MARCHF1: variants seen among roughly 807,000 people sequenced by gnomAD.
MARCHF1 encodes membrane associated ring-CH-type finger 1, also known as E3 ubiquitin-protein ligase MARCHF1.
MARCHF1 carries 40 observed loss-of-function variants against 54.2 expected under a neutral mutation model. The observed-to-expected ratio is 0.74, with a 90% CI of 0.57 to 0.96. The LOEUF is 0.96. Ranked by LOEUF, MARCHF1 falls within the 40% of genes least tolerant of loss-of-function variation. The probability of loss-of-function intolerance (pLI) is 0.00; values close to 1 mark genes in which losing one functional copy is unlikely to be tolerated. For missense variants in MARCHF1, 586 were observed against 656.5 expected (o/e 0.89, Z 1.17); for synonymous variants, 236 against 236.3 (o/e 1.00, Z 0.01).
In MARCHF1 at chr4:164,044,957, T is replaced by A. The variant is rs574591969; in HGVS notation, c.-247-56248A>T. On this transcript the variant is annotated intron_variant, in intron 2 of 9. Coordinates refer to ENST00000514618, the MANE Select transcript of MARCHF1 (RefSeq NM_001394959.1). ...CTCAGTAAATGTAAGAAAGATTATA[T>A]TTCTAGTAACTCAGAAAAATAAAAC... Among the ~76,000 whole-genome samples, 173 of 152,246 alleles carry A rather than the reference T, an allele frequency of 1.1e-3. 1 individual carries two copies. In the Middle Eastern group the frequency reaches 0.014, roughly 12 times the overall value.
At position 164,032,219 on chromosome 4, in the gene MARCHF1, C is replaced by T. The variant is rs377709606; in HGVS notation, c.-247-43510G>A. Among the ~76,000 whole-genome samples, 85 of 151,900 alleles carry T rather than the reference C, an allele frequency of 5.6e-4. 1 individual carries two copies. In the South Asian group the frequency reaches 0.017, roughly 31 times the overall value. On this transcript the variant is annotated intron_variant, in intron 2 of 9. Coordinates refer to ENST00000514618, the MANE Select transcript of MARCHF1 (RefSeq NM_001394959.1). ...CTTATTGTGTCTATTTGATTCTTCG[C>T]TCTTTTCTCCTTTATTAGTCTAGCT... is the stretch of plus-strand genomic sequence containing the variant.
At chr4:164,166,829 A>C (rs909156604) in intron 1 of MARCHF1, among the ~76,000 whole-genome samples, 1 of 151,894 alleles carries the variant, frequency 6.6e-6, no homozygotes, top group African/African-American at 2.4e-5. Context: ...AAAAATCAGT[A>C]GTATTTCTAT....
At chr4:163,755,952 C>A (rs145449437) in intron 4 of MARCHF1, among the ~76,000 whole-genome samples, 183 of 152,296 alleles carry the variant, frequency 1.2e-3, no homozygotes, top group Middle Eastern at 6.8e-3. Context: ...CACAGATATA[C>A]TGGTGCCAAT....
intron 1 of MARCHF1, among the ~76,000 whole-genome samples, chr4:164,238,572 A>C (rs1732634658): frequency 6.6e-6 from 1 of 151,988 alleles, no homozygotes; most frequent in Non-Finnish European, 1.5e-5. Flanking sequence ...ATATTATCTA[A>C]AAAGTAAGAG....
At chr4:164,236,707 C>T (rs1732573714) in intron 1 of MARCHF1, among the ~76,000 whole-genome samples, 1 of 152,030 alleles carries the variant, frequency 6.6e-6, no homozygotes, top group South Asian at 2.1e-4. Flanking sequence ...TTTGGGGTTA[C>T]AAACAAATTT....
chr4:163,706,527 ATAAACT>A (rs1744953947), intron 4 of MARCHF1, among the ~76,000 whole-genome samples: 1 of 152,122 alleles, frequency 6.6e-6, no homozygotes, highest in African/African-American at 2.4e-5. Flanking sequence ...ATACTTAGGA[ATAAACT>A]TAACAAGGAC....
At chr4:164,296,638 G>A (rs1734418643) in intron 1 of MARCHF1, among the ~76,000 whole-genome samples, 1 of 152,080 alleles carries the variant, frequency 6.6e-6, no homozygotes, top group Admixed American at 6.6e-5. Context: ...CCAAAGTGCT[G>A]GGATTACAGG....
intron 4 of MARCHF1, among the ~76,000 whole-genome samples, chr4:163,821,546 T>C (rs1494294): frequency 0.91 from 138,463 of 152,020 alleles, 63,337 homozygotes; most frequent in South Asian, 0.98. Context: ...TCCTATGAGA[T>C]AAAAATTAAA....
intron 7 of MARCHF1, among the ~76,000 whole-genome samples, chr4:163,604,953 A>C (rs1008724543): frequency 5.3e-5 from 8 of 152,040 alleles, no homozygotes; most frequent in African/African-American, 1.9e-4. Flanking sequence ...GATTTTTTTT[A>C]TGCCTGTTTA....
At position 164,225,461 on chromosome 4, in the gene MARCHF1, T is replaced by C. The variant is rs187508791; in HGVS notation, c.-322-113799A>G. Among the ~76,000 whole-genome samples, 362 of 152,100 alleles carry C rather than the reference T, an allele frequency of 2.4e-3. 3 individuals are homozygous for C. The highest frequency in any genetic ancestry group is 8.4e-3 in the African/African-American group (347 of 41,528). ...TTTGGGGGATGGGGTTGAGGGGAGA[T>C]AACTGAAATTGAAGATAGTAAACAT... On this transcript the variant is annotated intron_variant, in intron 1 of 9. Transcript: ENST00000514618.
chr4:163,610,507 T>C (rs138755790), intron 7 of MARCHF1, among the ~76,000 whole-genome samples: 1 of 152,228 alleles, frequency 6.6e-6, no homozygotes, highest in African/African-American at 2.4e-5. Flanking sequence ...TATTTTTCTC[T>C]CCAATTACCA....
intron 1 of MARCHF1, among the ~76,000 whole-genome samples, chr4:164,194,681 A>G (rs1483491528): frequency 6.6e-6 from 1 of 152,174 alleles, no homozygotes; most frequent in Non-Finnish European, 1.5e-5. Flanking sequence ...TGGATTTTCA[A>G]AAGGGAGAAA....
chr4:164,091,029 T>C (rs1431822160), intron 2 of MARCHF1, among the ~76,000 whole-genome samples: 3 of 152,060 alleles, frequency 2.0e-5, no homozygotes, highest in Non-Finnish European at 2.9e-5. Context: ...ATCTCTGGCC[T>C]CAATCTGCAC....
intron 1 of MARCHF1, among the ~76,000 whole-genome samples, chr4:164,176,978 CTCTATATATATATATA>C (rs1285614719): frequency 1.3e-4 from 5 of 38,878 alleles, no homozygotes; most frequent in East Asian, 1.2e-3. Flanking sequence ...CTCTCTCTCT[CTCTATATATATATATA>C]TATATATATA....
At chr4:164,219,208 A>G (rs866440439) in intron 1 of MARCHF1, among the ~76,000 whole-genome samples, 5 of 117,980 alleles carry the variant, frequency 4.2e-5, no homozygotes, top group African/African-American at 1.8e-4. Flanking sequence ...ATCATGTGGA[A>G]GACATATTAA....
chr4:164,001,621 C>T (rs548639198), intron 2 of MARCHF1, among the ~76,000 whole-genome samples: 1 of 151,964 alleles, frequency 6.6e-6, no homozygotes, highest in East Asian at 1.9e-4. Flanking sequence ...GTAATTCCTA[C>T]AATTTTCCAG....
chr4:163,843,943 C>T (rs6536755), intron 4 of MARCHF1, among the ~76,000 whole-genome samples: 148,526 of 152,088 alleles, frequency 0.98, 72,600 homozygotes, highest in East Asian at 1. Flanking sequence ...GAATTGTTCG[C>T]TCATGCCCCT....
chr4:163,779,591 T>C (rs1046824273), intron 4 of MARCHF1, among the ~76,000 whole-genome samples: 1 of 152,084 alleles, frequency 6.6e-6, no homozygotes, highest in African/African-American at 2.4e-5. Context: ...GAAAAAGACA[T>C]TGCTTAAGAG....
chr4:163,825,054 T>C (rs530776899), intron 4 of MARCHF1, among the ~76,000 whole-genome samples: 75 of 152,170 alleles, frequency 4.9e-4, no homozygotes, highest in African/African-American at 1.7e-3. Context: ...GACCGTAAAC[T>C]AGTTCAACCA....
Sources: allele counts gnomAD v4.1 joint callset (sites outside exome capture counted in the v4.1 genomes callset), GRCh38; gene constraint gnomAD v4.1.1; transcripts MANE v1.5; gene names NCBI Gene and HGNC (gene_info 2026-07-23, HGNC 2026-07-21).